ST6GALNAC3: variants seen among roughly 807,000 people sequenced by gnomAD.
ST6GALNAC3 encodes alpha-N-acetylgalactosaminide alpha-2,6-sialyltransferase 3.
A neutral mutation model predicts 32.7 loss-of-function variants in ST6GALNAC3; 25 were observed. The ratio of observed to expected loss-of-function variants is 0.76; its 90% CI spans 0.56 to 1.07. The LOEUF is 1.07. Among genes scored for constraint, ST6GALNAC3 ranks in the 50% least tolerant of loss-of-function variants. ST6GALNAC3 has a pLI of 0.00. For missense variants in ST6GALNAC3, 355 were observed against 382.4 expected, an observed-to-expected ratio of 0.93 and a Z score of 0.60; for synonymous variants, 129 against 133.1, an observed-to-expected ratio of 0.97 and a Z score of 0.21.
At chr1:76,538,364 A>G (rs1663757597) in intron 3 of ST6GALNAC3, among the ~76,000 whole-genome samples, 1 of 152,156 alleles carries the variant, frequency 6.6e-6, no homozygotes, top group Admixed American at 6.6e-5. Flanking sequence ...TTGATGGAAC[A>G]TATCTCAAAA....
chr1:76,517,074 T>A (rs1662217782), intron 3 of ST6GALNAC3, among the ~76,000 whole-genome samples: 1 of 151,948 alleles, frequency 6.6e-6, no homozygotes, highest in Non-Finnish European at 1.5e-5. Context: ...TTCTTTGGGA[T>A]TCTTGCCTAT....
intron 3 of ST6GALNAC3, among the ~76,000 whole-genome samples, chr1:76,594,014 G>A (rs1300975691): frequency 1.3e-5 from 2 of 152,092 alleles, no homozygotes; most frequent in Non-Finnish European, 2.9e-5. Flanking sequence ...GGGGGCCCTT[G>A]TGCTGCCCCT....
intron 3 of ST6GALNAC3, among the ~76,000 whole-genome samples, chr1:76,475,321 A>T (rs1659282455): frequency 6.6e-6 from 1 of 152,182 alleles, no homozygotes; most frequent in Non-Finnish European, 1.5e-5. Flanking sequence ...CCTGGATACA[A>T]TATCAACTCC....
At chr1:76,566,091 G>T (rs1665538241) in intron 3 of ST6GALNAC3, among the ~76,000 whole-genome samples, 1 of 152,176 alleles carries the variant, frequency 6.6e-6, no homozygotes, top group Non-Finnish European at 1.5e-5. Flanking sequence ...GGCTAGTAAT[G>T]ATTAGGTAAC....
intron 1 of ST6GALNAC3, among the ~76,000 whole-genome samples, chr1:76,285,797 CAG>C (rs796442535): frequency 1.2e-4 from 18 of 152,068 alleles, no homozygotes; most frequent in African/African-American, 4.3e-4. Context: ...CAGCGAGAAA[CAG>C]ATACAGGAAG....
At chr1:76,434,048 T>G (rs138043635) in intron 3 of ST6GALNAC3, among the ~76,000 whole-genome samples, 121 of 152,334 alleles carry the variant, frequency 7.9e-4, no homozygotes, top group African/African-American at 2.8e-3. Flanking sequence ...TGTTATTTGC[T>G]CACTCCTCAC....
chr1:76,301,323 A>T, intron 1 of ST6GALNAC3, among the ~76,000 whole-genome samples: 1 of 151,874 alleles, frequency 6.6e-6, no homozygotes, highest in South Asian at 2.1e-4. Flanking sequence ...CCAGATTGGG[A>T]TGGCTAATAC....
At chr1:76,555,345 T>A (rs1477100650) in intron 3 of ST6GALNAC3, among the ~76,000 whole-genome samples, 2 of 152,198 alleles carry the variant, frequency 1.3e-5, no homozygotes, top group African/African-American at 4.8e-5. Flanking sequence ...AATTCTAGTT[T>A]CTGTGGAATT....
At chr1:76,462,473 G>A (rs564501836) in intron 3 of ST6GALNAC3, among the ~76,000 whole-genome samples, 99 of 152,064 alleles carry the variant, frequency 6.5e-4, no homozygotes, top group African/African-American at 2.4e-3. Context: ...TTAAAAGTGT[G>A]AGATCTTACC....
At chr1:76,557,093 T>C (rs1231268535) in intron 3 of ST6GALNAC3, among the ~76,000 whole-genome samples, 2 of 152,030 alleles carry the variant, frequency 1.3e-5, no homozygotes, top group East Asian at 1.9e-4. Context: ...CATGTGAATA[T>C]ACAGTTATCA....
At chr1:76,138,960 C>T (rs768403097) in intron 1 of ST6GALNAC3, among the ~76,000 whole-genome samples, 7 of 151,994 alleles carry the variant, frequency 4.6e-5, no homozygotes, top group Non-Finnish European at 7.4e-5. Flanking sequence ...TTTGGGAGGC[C>T]GAGGCGGGCG....
At chr1:76,330,783 C>A (rs1490752973) in intron 2 of ST6GALNAC3, among the ~76,000 whole-genome samples, 1 of 152,168 alleles carries the variant, frequency 6.6e-6, no homozygotes, top group Non-Finnish European at 1.5e-5. Context: ...CTGCAAGTGT[C>A]GGTCTTTCCA....
At chr1:76,617,107 A>G (rs1345462677) in intron 3 of ST6GALNAC3, among the ~76,000 whole-genome samples, 1 of 152,184 alleles carries the variant, frequency 6.6e-6, no homozygotes, top group African/African-American at 2.4e-5. Context: ...TAAAATTTTC[A>G]GTTGCTTAAA....
At chr1:76,278,388 A>AT (rs1221165740) in intron 1 of ST6GALNAC3, among the ~76,000 whole-genome samples, 1 of 151,618 alleles carries the variant, frequency 6.6e-6, no homozygotes, top group East Asian at 1.9e-4. Context: ...TGCCCAGCTA[A>AT]TTTTTTGTAT....
At position 76,468,698 on chromosome 1, in the gene ST6GALNAC3, T is replaced by A. The variant is rs577983105; in HGVS notation, c.623+56281T>A. Among the ~76,000 whole-genome samples the A allele has an allele frequency of 2.6e-4, 39 of 152,154 alleles. 1 individual carries two copies. The East Asian group carries it at 7.3e-3, about 29-fold the overall frequency. ...TACTTGAGGATCTACACTCCCATTA[T>A]CTCAATTGAGGCTAAGGGACTAAGG... On this transcript the variant is annotated intron_variant, in intron 3 of 4. Transcript: ENST00000328299.
intron 3 of ST6GALNAC3, among the ~76,000 whole-genome samples, chr1:76,550,808 T>C (rs893160651): frequency 5.3e-5 from 8 of 152,214 alleles, no homozygotes; most frequent in Non-Finnish European, 1.5e-5. Flanking sequence ...TGGAATGCAA[T>C]GGAGCGATCT....
chr1:76,418,300 C>T (rs933900773), intron 3 of ST6GALNAC3, among the ~76,000 whole-genome samples: 57 of 152,032 alleles, frequency 3.7e-4, no homozygotes, highest in African/African-American at 1.3e-3. Context: ...AGTCTTCTTC[C>T]TTGAAAATTT....
intron 1 of ST6GALNAC3, among the ~76,000 whole-genome samples, chr1:76,283,055 A>G (rs945218562): frequency 1.3e-5 from 2 of 151,552 alleles, no homozygotes; most frequent in East Asian, 1.9e-4. Context: ...AAAGAAAAAA[A>G]AAAGTGGTAC....
intron 1 of ST6GALNAC3, among the ~76,000 whole-genome samples, chr1:76,132,790 G>A (rs1184508300): frequency 6.6e-6 from 1 of 152,156 alleles, no homozygotes; most frequent in African/African-American, 2.4e-5. Context: ...CTTCCATTGT[G>A]GGGGATCCTG....
Sources: allele counts gnomAD v4.1 joint callset (sites outside exome capture counted in the v4.1 genomes callset), GRCh38; gene constraint gnomAD v4.1.1; transcripts MANE v1.5; gene names NCBI Gene and HGNC (gene_info 2026-07-23, HGNC 2026-07-21).